The following MIGA1 variants were observed in gnomAD, a reference collection of about 807,000 sequenced individuals.
MIGA1 encodes the protein mitoguardin 1, also known as family with sequence similarity 73, member A.
In MIGA1, 58 loss-of-function variants were observed where a neutral mutation model predicts 82.0. The ratio of observed to expected loss-of-function variants is 0.71; its 90% CI spans 0.57 to 0.88. MIGA1 has a LOEUF of 0.88. Among genes scored for constraint, MIGA1 ranks in the 40% least tolerant of loss-of-function variants. MIGA1 has a pLI of 0.00. For synonymous variants in MIGA1, 249 were observed against 253.6 expected, an observed-to-expected ratio of 0.98 and a Z score of 0.17; for missense variants, 751 against 749.1, an observed-to-expected ratio of 1.00 and a Z score of -0.03.
chr1:77,856,571 C>G (rs1318835145), intron 8 of MIGA1, among the ~76,000 whole-genome samples: 1 of 152,006 alleles, frequency 6.6e-6, no homozygotes, highest in African/African-American at 2.4e-5. Flanking sequence ...TTGGTCTGAT[C>G]AAGGTATCTA....
At chr1:77,833,426 G>A (rs1285446246) in intron 7 of MIGA1, among the ~76,000 whole-genome samples, 1 of 152,160 alleles carries the variant, frequency 6.6e-6, no homozygotes, top group African/African-American at 2.4e-5. Flanking sequence ...AGAGAAGAAA[G>A]CAATATAATG....
Position 77,876,835 on chromosome 1 carries a change from TA to T in MIGA1, c.*1773del, listed in dbSNP as rs1415626623. ...TGTTTTTATGGGTGGAGTTCTTCTA[TA>T]AGAGTATATTAAATGCTTTCAGAGT... On this transcript the variant is annotated 3_prime_UTR_variant, in exon 16 of 16. Transcript: ENST00000370791. 3.9e-5 allele frequency: 6 copies of T among 152,246 alleles called. No individual in the cohort carries two copies. The highest frequency in any genetic ancestry group is 8.8e-5 in the Non-Finnish European group (6 of 68,044). 9.4% of individuals were successfully genotyped at this position (152,246 alleles called of 1,614,324 possible). A position where few individuals can be genotyped will look rare whatever the true frequency, so the allele number is the denominator to read the frequency against.
intron 7 of MIGA1, among the ~76,000 whole-genome samples, chr1:77,822,858 T>TCC (rs1197450925): frequency 1.4e-5 from 2 of 144,912 alleles, no homozygotes; most frequent in African/African-American, 5.2e-5. Flanking sequence ...TTTTTTTTTT[T>TCC]CCGAGACAGA....
rs1170657797 is a variant in MIGA1 at position 77,878,394 on chromosome 1, C to CAAAAAAAAAAAAAAAAAA, written c.*3340_*3357dup. 2 of 35,580 alleles carry CAAAAAAAAAAAAAAAAAA rather than the reference C, an allele frequency of 5.6e-5. No individual in the cohort carries two copies. Among genetic ancestry groups the CAAAAAAAAAAAAAAAAAA allele is most frequent in the Non-Finnish European group, 9.8e-5 (2 of 20,308 alleles). The allele number at this position is 35,580 out of a possible 1,614,324, so 2.2% of individuals were successfully genotyped here. A position where few individuals can be genotyped will look rare whatever the true frequency, so the allele number is the denominator to read the frequency against. ...GGGCAACAAGAGTAAAACTCTGTCT[C>CAAAAAAAAAAAAAAAAAA]AAAAAAAAAAAAAAAAAAAAAAAAA... On this transcript the variant is annotated 3_prime_UTR_variant, in exon 16 of 16. Transcript: ENST00000370791.
chr1:77,872,973 A>C, intron 14 of MIGA1, 31 bp from the exon 15 acceptor site: 1 of 1,612,480 alleles, frequency 6.2e-7, no homozygotes, highest in Non-Finnish European at 8.5e-7. Flanking sequence ...AGAAGGTAGA[A>C]GTAACTTGAT....
intron 5 of MIGA1, chr1:77,811,853 G>A (rs1255852661): frequency 5.0e-6 from 7 of 1,390,188 alleles, no homozygotes; most frequent in African/African-American, 3.1e-5. Flanking sequence ...ATCCTCCCCC[G>A]GCCTGGCCCC....
rs577497226 is a variant in MIGA1, at chr1:77,789,093, GTA to G, written c.195+5754_195+5755del. Among the ~76,000 whole-genome samples, 214 of 149,188 alleles carry G rather than the reference GTA, an allele frequency of 1.4e-3. 2 individuals are homozygous for G. The highest frequency in any genetic ancestry group is 5.0e-3 in the African/African-American group (204 of 40,616). The stretch of plus-strand genomic sequence containing the variant: ...TTTCTTTAATTTCTTTCAGCAACGT[GTA>G]TATATATATATTTTTAAATTGTAGA... On this transcript the variant is annotated intron_variant, in intron 2 of 15. Coordinates refer to ENST00000370791, the MANE Select transcript of MIGA1 (RefSeq NM_198549.4).
intron 5 of MIGA1, among the ~76,000 whole-genome samples, chr1:77,808,727 T>G (rs190011181): frequency 1.6e-4 from 24 of 152,278 alleles, no homozygotes; most frequent in Admixed American, 1.4e-3. Flanking sequence ...CCAGTAAACT[T>G]GATGTGGCCT....
intron 2 of MIGA1, among the ~76,000 whole-genome samples, chr1:77,785,737 G>A (rs185694070): frequency 3.9e-5 from 6 of 152,202 alleles, no homozygotes; most frequent in East Asian, 1.9e-4. Flanking sequence ...TCCCATGGTC[G>A]TAGGTAGCTC....
In MIGA1 at chr1:77,875,869, A is replaced by G. The variant is rs1646889426; in HGVS notation, c.*805A>G. ...AAAAATAGGCTGGGTGTGGTGGTTC[A>G]TGCCTGTAATCCTAGCACTTTGGGA... is the stretch of plus-strand genomic sequence containing the variant. On this transcript the variant is annotated 3_prime_UTR_variant, in exon 16 of 16. Transcript: ENST00000370791. The G allele has an allele frequency of 6.6e-6, 1 of 152,152 alleles. No individual in the cohort carries two copies. The highest frequency in any genetic ancestry group is 2.1e-4 in the South Asian group (1 of 4,830). 9.4% of individuals were successfully genotyped at this position (152,152 alleles called of 1,614,324 possible). A position where few individuals can be genotyped will look rare whatever the true frequency, so the allele number is the denominator to read the frequency against.
chr1:77,785,406 C>T (rs1174443131), intron 2 of MIGA1, among the ~76,000 whole-genome samples: 1 of 151,250 alleles, frequency 6.6e-6, no homozygotes, highest in African/African-American at 2.4e-5. Context: ...TGCAATGGTA[C>T]AATCTTGGCT....
At position 77,874,965 on chromosome 1, in the gene MIGA1, G is replaced by T; in HGVS notation, c.1800G>T (p.Met600Ile). The change falls in exon 16 of 16, where the codon ATG (methionine) becomes ATT (isoleucine). Residue 600 changes from methionine to isoleucine, a missense_variant. By Grantham distance (10) the Met-to-Ile change is conservative. This residue lies in a region of MIGA1 where 265 missense variants were observed against 293.6 expected (regional missense o/e 0.90). Transcript: ENST00000370791. ...TCATTCGCCGCACTGAGCTTTTAATGGCCTATCTTGAAGCAGATGCCCTGA... is the reference window on the plus strand; with the variant it reads ...TCATTCGCCGCACTGAGCTTTTAATTGCCTATCTTGAAGCAGATGCCCTGA... The T allele has an allele frequency of 6.2e-7, 1 of 1,614,132 alleles. No homozygotes were observed. Among genetic ancestry groups the T allele is most frequent in the Non-Finnish European group, 8.5e-7 (1 of 1,180,012 alleles).
chr1:77,871,648 T>C (rs1461393965), intron 14 of MIGA1, among the ~76,000 whole-genome samples: 1 of 152,198 alleles, frequency 6.6e-6, no homozygotes, highest in Non-Finnish European at 1.5e-5. Flanking sequence ...CAGTGTGTTA[T>C]TTAACAAGGG....
intron 7 of MIGA1, among the ~76,000 whole-genome samples, chr1:77,830,667 A>C (rs1684210270): frequency 6.6e-6 from 1 of 152,186 alleles, no homozygotes; most frequent in African/African-American, 2.4e-5. Context: ...CTGTGTCAGA[A>C]AGAGGACCAT....
At chr1:77,786,762 T>G (rs942617232) in intron 2 of MIGA1, among the ~76,000 whole-genome samples, 8 of 152,242 alleles carry the variant, frequency 5.3e-5, no homozygotes, top group Non-Finnish European at 1.0e-4. Flanking sequence ...GCAAAGCCAT[T>G]CAACAAGACT....
At chr1:77,844,131 TATATATAG>T (rs1233356985) in intron 8 of MIGA1, among the ~76,000 whole-genome samples, 59 of 108,062 alleles carry the variant, frequency 5.5e-4, no homozygotes, top group Non-Finnish European at 7.2e-4. Context: ...TATATATATA[TATATATAG>T]ATAGATAGAT....
intron 12 of MIGA1, chr1:77,861,541 T>G (rs1685453480): frequency 2.2e-6 from 1 of 456,044 alleles, no homozygotes; most frequent in South Asian, 2.7e-5. Flanking sequence ...TGTTGGCTCC[T>G]TGCTTCCTTC....
chr1:77,859,231 G>C (rs1241604892), intron 9 of MIGA1, 83 bp from the exon 10 acceptor site: 16 of 1,185,018 alleles, frequency 1.4e-5, no homozygotes, highest in Non-Finnish European at 1.8e-5. Flanking sequence ...AGGTCCTGAG[G>C]TTAAGCCTTG....
chr1:77,816,768 G>A (rs1214934583), intron 7 of MIGA1, among the ~76,000 whole-genome samples: 2 of 152,144 alleles, frequency 1.3e-5, no homozygotes, highest in Non-Finnish European at 2.9e-5. Flanking sequence ...TTTTTCTACA[G>A]TTTCTTTTGT....
Sources: allele counts gnomAD v4.1 joint callset (sites outside exome capture counted in the v4.1 genomes callset), GRCh38; gene constraint gnomAD v4.1.1; regional missense constraint gnomAD v4.1.1; transcripts MANE v1.5; gene names NCBI Gene and HGNC (gene_info 2026-07-23, HGNC 2026-07-21).